Variants in SNX18 observed in about 807,000 individuals in gnomAD.
The protein encoded by SNX18 is sorting nexin 18.
A neutral mutation model predicts 48.7 loss-of-function variants in SNX18; 35 were observed. That is an observed-to-expected ratio of 0.72 (90% confidence interval 0.55 to 0.95). SNX18 has a LOEUF of 0.95. SNX18 is among the 40% of genes least tolerant of loss of function. SNX18 has a pLI of 0.00. For missense variants in SNX18, 824 were observed against 871.0 expected (o/e 0.95, Z 0.68); for synonymous variants, 492 against 384.7 (o/e 1.28, Z -3.26).
intron 1 of SNX18, among the ~76,000 whole-genome samples, chr5:54,538,317 G>A (rs1013968249): frequency 5.9e-5 from 9 of 152,184 alleles, no homozygotes; most frequent in African/African-American, 2.2e-4. Context: ...AGCTCAGTGG[G>A]CAGAGGCGGG....
At chr5:54,586,491 C>T in the SNX18 span, among the ~76,000 whole-genome samples, 1 of 151,994 alleles carries the variant, frequency 6.6e-6, no homozygotes, top group Non-Finnish European at 1.5e-5. Context: ...GCTGGAAAGT[C>T]CAAGAACATG....
the SNX18 span, among the ~76,000 whole-genome samples, chr5:54,601,202 A>G: frequency 6.7e-6 from 1 of 149,214 alleles, no homozygotes; most frequent in African/African-American, 2.5e-5. Context: ...TGGTAGTATA[A>G]ATATCCTGAA....
At chr5:54,632,727 A>C in the SNX18 span, among the ~76,000 whole-genome samples, 4 of 152,074 alleles carry the variant, frequency 2.6e-5, no homozygotes, top group Non-Finnish European at 2.9e-5. Flanking sequence ...TATTTATCCA[A>C]GCCACAGATA....
intron 1 of SNX18, among the ~76,000 whole-genome samples, chr5:54,524,115 A>G (rs1335206705): frequency 2.0e-5 from 3 of 152,204 alleles, no homozygotes; most frequent in Non-Finnish European, 4.4e-5. Flanking sequence ...TCATGTCTCT[A>G]AAAAGAGAAC....
the SNX18 span, among the ~76,000 whole-genome samples, chr5:54,597,300 A>T: frequency 0.56 from 85,667 of 151,902 alleles, 24,322 homozygotes; most frequent in South Asian, 0.76. Context: ...GGAGACTTTA[A>T]CACTCCACTG....
At position 54,543,469 on chromosome 5, in the gene SNX18, GGATA is replaced by G. The variant is rs773034703; in HGVS notation, c.*38_*41del. ...TGGATTATGGACTTTTTCAGTTCAA[GGATA>G]ATTTCTACAGCAGAATAAAAACTGC... On this transcript the variant is annotated 3_prime_UTR_variant, in exon 2 of 2. Transcript: ENST00000381410. 4.0e-5 allele frequency: 64 copies of G among 1,599,198 alleles called. No individual in the cohort carries two copies. The highest frequency in any genetic ancestry group is 1.8e-4 in the Middle Eastern group (1 of 5,408).
chr5:54,598,223 C>T, the SNX18 span, among the ~76,000 whole-genome samples: 2 of 151,986 alleles, frequency 1.3e-5, no homozygotes, highest in South Asian at 4.1e-4. Context: ...GTTCCAAAAT[C>T]GAGGCAGTAA....
At chr5:54,622,671 C>A in the SNX18 span, among the ~76,000 whole-genome samples, 1 of 150,028 alleles carries the variant, frequency 6.7e-6, no homozygotes, top group African/African-American at 2.4e-5. Context: ...AATCTTGACA[C>A]ATTCACACAC....
At chr5:54,596,770 C>G in the SNX18 span, among the ~76,000 whole-genome samples, 5 of 152,168 alleles carry the variant, frequency 3.3e-5, no homozygotes, top group Admixed American at 3.3e-4. Flanking sequence ...ATTTTTACAG[C>G]ATTGCAGCCA....
At chr5:54,632,624 G>A in the SNX18 span, among the ~76,000 whole-genome samples, 11 of 152,052 alleles carry the variant, frequency 7.2e-5, no homozygotes, top group African/African-American at 2.4e-4. Flanking sequence ...GACACACACC[G>A]GGAGCTGTGG....
chr5:54,612,265 T>A, the SNX18 span, among the ~76,000 whole-genome samples: 6 of 11,494 alleles, frequency 5.2e-4, no homozygotes, highest in African/African-American at 8.0e-3. Context: ...TTTTTTTTTA[T>A]TTTTTTTTTT....
chr5:54,632,121 T>C, the SNX18 span, among the ~76,000 whole-genome samples: 3 of 152,158 alleles, frequency 2.0e-5, no homozygotes, highest in African/African-American at 7.2e-5. Flanking sequence ...AAGATGCTGG[T>C]TCCTGGTCCC....
At chr5:54,630,421 A>G in the SNX18 span, among the ~76,000 whole-genome samples, 1 of 152,164 alleles carries the variant, frequency 6.6e-6, no homozygotes, top group Non-Finnish European at 1.5e-5. Context: ...CTGCTCTTGG[A>G]GCATCTTCTC....
chr5:54,615,905 T>C, the SNX18 span, among the ~76,000 whole-genome samples: 2 of 152,192 alleles, frequency 1.3e-5, no homozygotes, highest in Non-Finnish European at 2.9e-5. Context: ...AATATAAAGA[T>C]AAGTAGACTA....
At chr5:54,540,118 G>C (rs1009706348) in intron 1 of SNX18, among the ~76,000 whole-genome samples, 1 of 152,102 alleles carries the variant, frequency 6.6e-6, no homozygotes, top group Non-Finnish European at 1.5e-5. Flanking sequence ...GGCAGATCCT[G>C]GGGCCTCAAA....
the SNX18 span, among the ~76,000 whole-genome samples, chr5:54,641,609 A>G: frequency 1.3e-5 from 2 of 152,154 alleles, no homozygotes; most frequent in Non-Finnish European, 2.9e-5. Flanking sequence ...GTGCACCACA[A>G]AGGTTTTCAA....
chr5:54,643,721 T>G, the SNX18 span: 1 of 152,214 alleles, frequency 6.6e-6, no homozygotes, highest in Admixed American at 6.5e-5. Flanking sequence ...ACTTTCCCTG[T>G]CTTCCACGTC....
chr5:54,539,684 A>G (rs535242227), intron 1 of SNX18, among the ~76,000 whole-genome samples: 5 of 152,042 alleles, frequency 3.3e-5, no homozygotes, highest in Admixed American at 6.5e-5. Context: ...AGTGTGCTCT[A>G]TACATGCCAG....
chr5:54,522,002 C>A (rs1762041350), intron 1 of SNX18, among the ~76,000 whole-genome samples: 1 of 152,222 alleles, frequency 6.6e-6, no homozygotes, highest in Admixed American at 6.5e-5. Flanking sequence ...TCTCTAGGAA[C>A]TTTGGAAAGA....
Sources: gnomAD v4.1 joint callset for allele counts (sites outside exome capture counted in the v4.1 genomes callset) on GRCh38, gnomAD v4.1.1 for gene constraint, MANE v1.5 for transcripts, NCBI Gene and HGNC (gene_info 2026-07-23, HGNC 2026-07-21) for gene names.